The following ACAD10 variants were observed in gnomAD, a reference collection of about 807,000 sequenced individuals.
ACAD10 encodes acyl-CoA dehydrogenase family member 10.
In ACAD10, 112 loss-of-function variants were observed where a neutral mutation model predicts 116.8. That is an observed-to-expected ratio of 0.96 (90% CI 0.82 to 1.12). The LOEUF (loss-of-function observed/expected upper bound fraction) is 1.12. Ranked by LOEUF, ACAD10 falls within the 50% of genes most tolerant of loss-of-function variation. The pLI, the probability that ACAD10 is intolerant of heterozygous loss-of-function variation, is 0.00. For synonymous variants in ACAD10, 486 were observed against 510.6 expected, an observed-to-expected ratio of 0.95 and a Z score of 0.65; for missense variants, 1,259 against 1,350.2, an observed-to-expected ratio of 0.93 and a Z score of 1.06.
chr12:111,719,005 T>C (rs1888932600), intron 7 of ACAD10, among the ~76,000 whole-genome samples: 1 of 151,798 alleles, frequency 6.6e-6, no homozygotes, highest in South Asian at 2.1e-4. Flanking sequence ...ATCTCGAGGC[T>C]GAGGCAGGAG....
chr12:111,690,796 A>AG, intron 1 of ACAD10, among the ~76,000 whole-genome samples: 1 of 151,878 alleles, frequency 6.6e-6, no homozygotes, highest in African/African-American at 2.4e-5. Context: ...AAAAAAAAAA[A>AG]AAAGAGTTTC....
At chr12:111,686,883 C>T (rs61315691) in intron 1 of ACAD10, among the ~76,000 whole-genome samples, 2,365 of 152,252 alleles carry the variant, frequency 0.016, 70 homozygotes, top group African/African-American at 0.054. Context: ...AGTTCCTGTC[C>T]GTACTATGAG....
At chr12:111,750,455 A>G (rs985167431) in intron 18 of ACAD10, among the ~76,000 whole-genome samples, 1 of 152,038 alleles carries the variant, frequency 6.6e-6, no homozygotes, top group South Asian at 2.1e-4. Flanking sequence ...GCATGGTAGC[A>G]TGTGTCTCTA....
At chr12:111,708,741 T>C (rs1053747102) in intron 4 of ACAD10, among the ~76,000 whole-genome samples, 3 of 152,142 alleles carry the variant, frequency 2.0e-5, no homozygotes, top group Non-Finnish European at 2.9e-5. Context: ...GCCCACTCTA[T>C]AGGAGATTAC....
chr12:111,692,748 G>T lies in ACAD10; in HGVS notation c.39G>T (p.Gln13His), dbSNP rs1261533864. 1 of 1,614,208 alleles carries T rather than the reference G, an allele frequency of 6.2e-7. No homozygotes were observed. Among genetic ancestry groups the T allele is most frequent in the Admixed American group, 1.7e-5 (1 of 60,024 alleles). The change falls in exon 2 of 21, where the codon CAG (glutamine) becomes CAT (histidine). Residue 13 changes from glutamine (Q) to histidine (H), a missense_variant. By Grantham distance (24) the Gln-to-His change is conservative. Coordinates refer to ENST00000313698, the MANE Select transcript of ACAD10 (RefSeq NM_025247.6). ...VRSCFQSPRLQWVWRTAFLKH... is the reference protein window; with the variant it reads ...VRSCFQSPRLHWVWRTAFLKH... ...GCTGTTTCCAGTCCCCCCGTCTCCA[G>T]TGGGTGTGGAGAACAGCCTTCCTGA... is the stretch of plus-strand genomic sequence containing the variant.
Position 111,715,898 on chromosome 12 carries a change from G to C in ACAD10, c.928G>C (p.Val310Leu). Residue 310 changes from valine to leucine, a missense_variant, in exon 7 of 21, where the codon GTT becomes CTT. Coordinates refer to ENST00000313698, the MANE Select transcript of ACAD10 (RefSeq NM_025247.6). ...YYIRLANRDLVLRKKPPGTLL... is the reference protein window; with the variant it reads ...YYIRLANRDLLLRKKPPGTLL... ...CATCAGGCTGGCTAATCGTGATCTA[G>C]TTCTGAGGAAGAAGCCCCCAGGGAC... is the stretch of plus-strand genomic sequence containing the variant. 7.4e-6 allele frequency: 12 copies of C among 1,614,124 alleles called. No homozygotes were observed. The highest frequency in any genetic ancestry group is 1.0e-5 in the Non-Finnish European group (12 of 1,180,016).
At chr12:111,734,091 A>G (rs1387063173) in intron 11 of ACAD10, 23 bp downstream of exon 11, 1 of 1,613,900 alleles carries the variant, frequency 6.2e-7, no homozygotes, top group Non-Finnish European at 8.5e-7. Flanking sequence ...GCTGGAGGAT[A>G]GTGGGGGAGC....
chr12:111,721,526 C>G, intron 7 of ACAD10, 145 bp from the exon 8 acceptor site: 1 of 619,770 alleles, frequency 1.6e-6, no homozygotes, highest in East Asian at 3.0e-5. Context: ...CAAGATCGTG[C>G]CACTGCACTC....
chr12:111,742,779 G>A (rs1422816206), intron 12 of ACAD10, among the ~76,000 whole-genome samples: 4 of 152,006 alleles, frequency 2.6e-5, no homozygotes, highest in African/African-American at 7.2e-5. Flanking sequence ...GCATGATCTC[G>A]GCCCACGGCA....
chr12:111,736,129 C>G (rs1054158516), intron 11 of ACAD10, among the ~76,000 whole-genome samples: 4 of 151,536 alleles, frequency 2.6e-5, no homozygotes, highest in African/African-American at 9.7e-5. Flanking sequence ...GATCTGCCCT[C>G]CTCGGCCTCC....
At chr12:111,737,082 C>CA (rs1405268453) in intron 12 of ACAD10, 78 bp downstream of exon 12, 2 of 1,474,374 alleles carry the variant, frequency 1.4e-6, no homozygotes, top group African/African-American at 2.8e-5. Context: ...GAAACCCTCT[C>CA]AGGGCCACAG....
chr12:111,729,126 GAAC>G (rs1889314464), intron 9 of ACAD10, among the ~76,000 whole-genome samples: 1 of 152,226 alleles, frequency 6.6e-6, no homozygotes, highest in Non-Finnish European at 1.5e-5. Context: ...CAGAGCTAGA[GAAC>G]AACAGAGCTG....
At chr12:111,749,107 AG>A in intron 17 of ACAD10, 65 bp from the exon 18 acceptor site, 2 of 1,613,912 alleles carry the variant, frequency 1.2e-6, no homozygotes, top group Middle Eastern at 3.3e-4. Flanking sequence ...GACTGAGGTG[AG>A]GAATAAACAC....
intron 4 of ACAD10, among the ~76,000 whole-genome samples, chr12:111,708,751 C>A (rs627308): frequency 0.27 from 41,743 of 151,832 alleles, 7,604 homozygotes; most frequent in East Asian, 0.9. Context: ...TAGGAGATTA[C>A]GCCCTGGGGA....
intron 18 of ACAD10, 146 bp downstream of exon 18, chr12:111,749,491 T>C (rs1418242057): frequency 9.1e-7 from 1 of 1,099,178 alleles, no homozygotes; most frequent in Non-Finnish European, 1.3e-6. Flanking sequence ...CATTCCTGTC[T>C]GCTTTGCATC....
intron 6 of ACAD10, 78 bp downstream of exon 6, chr12:111,712,735 A>G: frequency 6.8e-7 from 1 of 1,469,516 alleles, no homozygotes; most frequent in Non-Finnish European, 9.4e-7. Context: ...TTCAACCCTA[A>G]TGGAATGGGC....
intron 13 of ACAD10, among the ~76,000 whole-genome samples, chr12:111,745,912 G>T (rs1220389802): frequency 7.0e-6 from 1 of 142,394 alleles, no homozygotes; most frequent in East Asian, 2.1e-4. Context: ...TGTGGTCATA[G>T]CTCACTGCAG....
At chr12:111,746,055 T>G (rs1297608563) in intron 13 of ACAD10, 89 bp from the exon 14 acceptor site, 1 of 1,521,576 alleles carries the variant, frequency 6.6e-7, no homozygotes, top group African/African-American at 1.4e-5. Context: ...GTCTGCCTTG[T>G]TTCCTCCAAT....
intron 5 of ACAD10, among the ~76,000 whole-genome samples, chr12:111,711,639 C>T (rs1888689368): frequency 6.6e-6 from 1 of 151,674 alleles, no homozygotes; most frequent in African/African-American, 2.4e-5. Context: ...ATTCTCCTGC[C>T]TCAGCCTCCC....
Sources: gnomAD v4.1 joint callset for allele counts (sites outside exome capture counted in the v4.1 genomes callset) on GRCh38, gnomAD v4.1.1 for gene constraint, MANE v1.5 for transcripts, NCBI Gene and HGNC (gene_info 2026-07-23, HGNC 2026-07-21) for gene names.